The following SNX13 variants were observed in gnomAD, a reference collection of about 807,000 sequenced individuals.
SNX13 encodes sorting nexin-13.
SNX13 carries 45 observed loss-of-function variants against 133.6 expected under a neutral mutation model. The observed-to-expected ratio is 0.34, with a 90% CI of 0.27 to 0.43. The LOEUF is 0.43. SNX13 is among the 20% of genes least tolerant of loss of function. The pLI is 1.00. For synonymous variants in SNX13, 414 were observed against 373.9 expected, an observed-to-expected ratio of 1.11 and a Z score of -1.24; for missense variants, 1,032 against 1,145.1, an observed-to-expected ratio of 0.90 and a Z score of 1.43.
intron 5 of SNX13, 117 bp downstream of exon 5, chr7:17,890,246 A>C: frequency 1.1e-6 from 1 of 908,230 alleles, no homozygotes; most frequent in Non-Finnish European, 1.6e-6. Flanking sequence ...CCACAGTAAT[A>C]ATCTGCTGTT....
intron 24 of SNX13, among the ~76,000 whole-genome samples, chr7:17,797,143 A>T (rs1419224161): frequency 1.3e-5 from 2 of 151,866 alleles, no homozygotes; most frequent in African/African-American, 4.8e-5. Flanking sequence ...AAACGAACAC[A>T]AGAAAAATAC....
At chr7:17,831,116 ACAAGT>A in intron 15 of SNX13, 1 of 984,374 alleles carries the variant, frequency 1.0e-6, no homozygotes, top group Non-Finnish European at 1.2e-6. Context: ...CCCACCAAAG[ACAAGT>A]CAAGTTAAAG....
intron 9 of SNX13, among the ~76,000 whole-genome samples, chr7:17,853,881 C>T (rs1049156763): frequency 6.6e-6 from 1 of 151,864 alleles, no homozygotes; most frequent in Non-Finnish European, 1.5e-5. Flanking sequence ...GCGGAGGTTA[C>T]AGTGAGCCAA....
chr7:17,851,554 G>T (rs1213009214), intron 9 of SNX13, among the ~76,000 whole-genome samples: 1 of 152,088 alleles, frequency 6.6e-6, no homozygotes, highest in Non-Finnish European at 1.5e-5. Context: ...TGGTAAGACG[G>T]GTTTTGTAAA....
chr7:17,891,711 T>A lies in SNX13; in HGVS notation c.229-76A>T. The A allele has an allele frequency of 4.3e-6, 4 of 926,518 alleles. No homozygotes were observed. In the South Asian group the frequency reaches 4.4e-5, roughly 10 times the overall value. The allele number at this position is 926,518 out of a possible 1,614,324, so 57.4% of individuals were successfully genotyped here. A position where few individuals can be genotyped will look rare whatever the true frequency, so the allele number is the denominator to read the frequency against. On this transcript the variant is annotated intron_variant, in intron 3 of 25. Coordinates refer to ENST00000428135, the MANE Select transcript of SNX13 (RefSeq NM_015132.5). Reference sequence around the variant, plus strand: ...CTCCAGTTTAATTCCAGTTGAATACTCAATGTAACATCCCTTCATTATCCT... The same window carrying A: ...CTCCAGTTTAATTCCAGTTGAATACACAATGTAACATCCCTTCATTATCCT...
chr7:17,811,818 A>AACGGAGGCC (rs1786065071), intron 20 of SNX13, among the ~76,000 whole-genome samples: 2 of 152,204 alleles, frequency 1.3e-5, no homozygotes, highest in Non-Finnish European at 2.9e-5. Context: ...AATGGAACAG[A>AACGGAGGCC]ACGGAGGCCT....
intron 1 of SNX13, among the ~76,000 whole-genome samples, chr7:17,902,622 T>C (rs1797956837): frequency 6.6e-6 from 1 of 152,220 alleles, no homozygotes; most frequent in South Asian, 2.1e-4. Flanking sequence ...TTCTTCTATA[T>C]AAGAAACCTT....
intron 1 of SNX13, among the ~76,000 whole-genome samples, chr7:17,925,400 T>G (rs1266686561): frequency 6.6e-6 from 1 of 152,144 alleles, no homozygotes; most frequent in Non-Finnish European, 1.5e-5. Flanking sequence ...TTTAGTTAGG[T>G]GAATTGCATG....
At chr7:17,830,289 A>C in intron 15 of SNX13, 1 of 984,302 alleles carries the variant, frequency 1.0e-6, no homozygotes, top group Non-Finnish European at 1.2e-6. Flanking sequence ...CAAAAATCAA[A>C]AAGGCATTCG....
intron 9 of SNX13, among the ~76,000 whole-genome samples, chr7:17,852,276 G>C (rs959354379): frequency 6.6e-5 from 10 of 152,076 alleles, no homozygotes; most frequent in African/African-American, 2.4e-4. Flanking sequence ...AGGAAGGTAA[G>C]GCGAGATAAT....
intron 22 of SNX13, 127 bp downstream of exon 22, chr7:17,801,461 G>T: frequency 1.5e-6 from 1 of 683,496 alleles, no homozygotes; most frequent in Non-Finnish European, 2.4e-6. Flanking sequence ...CAGTTTGTAA[G>T]AATTCATCAA....
Position 17,940,395 on chromosome 7 carries a change from T to G in SNX13, c.-100A>C, listed in dbSNP as rs1246579968. On this transcript the variant is annotated 5_prime_UTR_variant, in exon 1 of 26. Coordinates refer to ENST00000428135, the MANE Select transcript of SNX13 (RefSeq NM_015132.5). ...TCGGGCCGCCGCCAACGGCGGCAAC[T>G]GCTCCTTCAGTCTTCTCCCGGGCGG... 14 of 1,370,466 alleles carry G rather than the reference T, an allele frequency of 1.0e-5. No homozygotes were observed. The African/African-American group carries it at 1.6e-4, about 15-fold the overall frequency. 84.9% of individuals were successfully genotyped at this position (1,370,466 alleles called of 1,614,324 possible). A position where few individuals can be genotyped will look rare whatever the true frequency, so the allele number is the denominator to read the frequency against.
chr7:17,921,840 C>T (rs963526030), intron 1 of SNX13, among the ~76,000 whole-genome samples: 9 of 152,232 alleles, frequency 5.9e-5, no homozygotes, highest in Admixed American at 3.3e-4. Flanking sequence ...TTGAGAACCA[C>T]CGATGTATGC....
chr7:17,844,265 A>G (rs563399426), intron 12 of SNX13, among the ~76,000 whole-genome samples: 21 of 152,202 alleles, frequency 1.4e-4, no homozygotes, highest in Non-Finnish European at 2.1e-4. Flanking sequence ...AACTAAAAGT[A>G]CTATGAACAA....
In SNX13 at chr7:17,796,832, A is replaced by G. The variant is rs774609792; in HGVS notation, c.2621T>C (p.Met874Thr). 21 of 1,602,900 alleles carry G rather than the reference A, an allele frequency of 1.3e-5. No individual in the cohort carries two copies. Reference protein sequence around the residue: ...VAGKTKLLAIMPDELKHIIGA... With the variant: ...VAGKTKLLAITPDELKHIIGA... ...AACTATACATGCTCACTCACCTGGCATAATTGCAAGTAATTTCGTTTTTCC... is the reference window on the plus strand; with the variant it reads ...AACTATACATGCTCACTCACCTGGCGTAATTGCAAGTAATTTCGTTTTTCC... Residue 874 changes from methionine (M) to threonine (T), a missense_variant, in exon 25 of 26, where the codon ATG (methionine) becomes ACG (threonine). Coordinates refer to ENST00000428135, the MANE Select transcript of SNX13 (RefSeq NM_015132.5).
At chr7:17,809,357 A>G (rs1785726140) in intron 20 of SNX13, among the ~76,000 whole-genome samples, 1 of 152,000 alleles carries the variant, frequency 6.6e-6, no homozygotes, top group African/African-American at 2.4e-5. Context: ...AAACCAACAA[A>G]GACTTTAAAC....
chr7:17,880,047 A>C (rs1055805999), intron 5 of SNX13: 4 of 152,232 alleles, frequency 2.6e-5, no homozygotes, highest in African/African-American at 4.8e-5. Flanking sequence ...AATATATTTC[A>C]CTTTAAGTTC....
rs542384248 is a variant in SNX13 at position 17,849,646 on chromosome 7, C to T, written c.1065+701G>A. On this transcript the variant is annotated intron_variant, in intron 11 of 25. Transcript: ENST00000428135. Reference sequence around the variant, plus strand: ...TAACCCCCCGGTTCTTCTATGACTTCATTCCTAGCACAATAGCTCATTCAT... The same window carrying T: ...TAACCCCCCGGTTCTTCTATGACTTTATTCCTAGCACAATAGCTCATTCAT... 2.4e-4 allele frequency among the ~76,000 whole-genome samples: 37 copies of T among 152,316 alleles called. No homozygotes were observed. In the South Asian group the frequency reaches 4.1e-3, roughly 17 times the overall value.
chr7:17,817,545 G>C (rs1008111295), intron 18 of SNX13, among the ~76,000 whole-genome samples: 7 of 152,150 alleles, frequency 4.6e-5, no homozygotes, highest in African/African-American at 1.7e-4. Flanking sequence ...AAATCTGATG[G>C]CTGCTTGGAG....
Sources: allele counts gnomAD v4.1 joint callset (sites outside exome capture counted in the v4.1 genomes callset), GRCh38; gene constraint gnomAD v4.1.1; transcripts MANE v1.5; gene names NCBI Gene and HGNC (gene_info 2026-07-23, HGNC 2026-07-21).